GOSR1: variants seen among roughly 807,000 people sequenced by gnomAD.
GOSR1 encodes the protein golgi SNAP receptor complex member 1.
A neutral mutation model predicts 35.5 loss-of-function variants in GOSR1; 21 were observed. That is an observed-to-expected ratio of 0.59 (90% CI 0.42 to 0.85). The LOEUF is 0.85. Among genes scored for constraint, GOSR1 ranks in the 40% least tolerant of loss-of-function variants. GOSR1 has a pLI of 0.00. For missense variants in GOSR1, 285 were observed against 309.6 expected (o/e 0.92, Z 0.60); for synonymous variants, 94 against 106.6 (o/e 0.88, Z 0.73).
At chr17:30,518,783 G>GA (rs923109902) in intron 7 of GOSR1, among the ~76,000 whole-genome samples, 23 of 149,586 alleles carry the variant, frequency 1.5e-4, no homozygotes, top group African/African-American at 2.2e-4. Flanking sequence ...TTAAAAATTA[G>GA]AAAAAAAAAA....
At chr17:30,503,958 C>A (rs1967307050) in intron 6 of GOSR1, among the ~76,000 whole-genome samples, 1 of 152,070 alleles carries the variant, frequency 6.6e-6, no homozygotes. Flanking sequence ...GGAAGAAAAA[C>A]CCCTTCTTCT....
intron 6 of GOSR1, among the ~76,000 whole-genome samples, chr17:30,499,408 C>G (rs1306795229): frequency 1.4e-5 from 2 of 142,404 alleles, no homozygotes; most frequent in Non-Finnish European, 3.0e-5. Flanking sequence ...GTGGCGCAAT[C>G]TTGGCTCACT....
intron 8 of GOSR1, among the ~76,000 whole-genome samples, chr17:30,521,416 C>G (rs1036077319): frequency 6.6e-6 from 1 of 151,808 alleles, no homozygotes; most frequent in Non-Finnish European, 1.5e-5. Context: ...CTCCTAGGCT[C>G]AAGCAGTCCT....
intron 6 of GOSR1, among the ~76,000 whole-genome samples, chr17:30,497,442 T>A (rs750084092): frequency 1.2e-4 from 18 of 152,162 alleles, no homozygotes; most frequent in Non-Finnish European, 2.1e-4. Context: ...GACTCTATCT[T>A]TTTGGGGTAA....
At chr17:30,507,543 T>C (rs569381178) in intron 6 of GOSR1, among the ~76,000 whole-genome samples, 2 of 152,174 alleles carry the variant, frequency 1.3e-5, no homozygotes, top group South Asian at 2.1e-4. Context: ...GCCAACATAG[T>C]GAAACCCCAA....
chr17:30,519,143 C>CT (rs1210396337), intron 7 of GOSR1, among the ~76,000 whole-genome samples: 1 of 152,034 alleles, frequency 6.6e-6, no homozygotes, highest in Non-Finnish European at 1.5e-5. Flanking sequence ...TCGCTGTAGC[C>CT]CCCCCCTCCT....
intron 7 of GOSR1, among the ~76,000 whole-genome samples, chr17:30,515,866 A>G (rs1967788736): frequency 6.6e-6 from 1 of 152,206 alleles, no homozygotes; most frequent in Non-Finnish European, 1.5e-5. Context: ...AATAGGCCTA[A>G]AAGTATTGGG....
At chr17:30,498,776 G>A (rs909880453) in intron 6 of GOSR1, among the ~76,000 whole-genome samples, 2 of 152,176 alleles carry the variant, frequency 1.3e-5, no homozygotes, top group Admixed American at 1.3e-4. Flanking sequence ...CTGGGCAAAA[G>A]AAAGTGAGCA....
intron 5 of GOSR1, among the ~76,000 whole-genome samples, chr17:30,491,750 T>A (rs1915057754): frequency 1.3e-5 from 2 of 152,224 alleles, no homozygotes; most frequent in African/African-American, 4.8e-5. Context: ...TTACACAGTA[T>A]TTTTTAATGT....
intron 7 of GOSR1, among the ~76,000 whole-genome samples, chr17:30,514,833 C>G (rs1014996869): frequency 6.6e-6 from 1 of 152,150 alleles, no homozygotes; most frequent in Non-Finnish European, 1.5e-5. Flanking sequence ...CTGAATTTCT[C>G]CTTCCAATTC....
Position 30,524,127 on chromosome 17 carries a change from A to T in GOSR1, c.*1749A>T, listed in dbSNP as rs1000880475. ...CTAGGAAAACCAGAGACCTTTGTTC[A>T]CTTGTTGATCTGCTGACCTTCCCTC... On this transcript the variant is annotated 3_prime_UTR_variant, in exon 9 of 9. Coordinates refer to ENST00000451249, the MANE Select transcript of GOSR1 (RefSeq NM_001007025.2). 2 of 172,404 alleles carry T rather than the reference A, an allele frequency of 1.2e-5. No homozygotes were observed. The highest frequency in any genetic ancestry group is 4.8e-5 in the African/African-American group (2 of 41,488). 10.7% of individuals were successfully genotyped at this position (172,404 alleles called of 1,614,324 possible). A position where few individuals can be genotyped will look rare whatever the true frequency, so the allele number is the denominator to read the frequency against.
intron 4 of GOSR1, among the ~76,000 whole-genome samples, chr17:30,489,338 G>A (rs753578674): frequency 6.6e-6 from 1 of 152,046 alleles, no homozygotes; most frequent in Admixed American, 6.6e-5. Context: ...AGCTGAGATG[G>A]CACCACTATA....
Position 30,481,161 on chromosome 17 carries a change from G to A in GOSR1, c.50G>A (p.Arg17Gln), listed in dbSNP as rs774507380. The A allele has an allele frequency of 4.4e-6, 7 of 1,599,102 alleles. No individual in the cohort carries two copies. Among genetic ancestry groups the A allele is most frequent in the East Asian group, 2.2e-5 (1 of 44,802 alleles). ...GTTAAAGATCTCAGGAAACAGGCTCGACAGCTGGAAAATGAACTTGACCTG... is the reference window on the plus strand; with the variant it reads ...GTTAAAGATCTCAGGAAACAGGCTCAACAGCTGGAAAATGAACTTGACCTG... ...SYWEDLRKQARQLENELDLKL... is the reference protein window; with the variant it reads ...SYWEDLRKQAQQLENELDLKL... Residue 17 changes from arginine to glutamine, a missense_variant, in exon 2 of 9, where the codon CGA (arginine) becomes CAA (glutamine). Arg to Gln is a conservative substitution (Grantham distance 43). Around this residue, in one of 3 missense-constraint regions of GOSR1, gnomAD observed 108 missense variants for 98.9 expected, o/e 1.09. Transcript: ENST00000451249.
Position 30,493,286 on chromosome 17 carries a change from C to G in GOSR1, c.509+533C>G, listed in dbSNP as rs150372259. Among the ~76,000 whole-genome samples the G allele has an allele frequency of 1.3e-4, 20 of 152,072 alleles. No individual in the cohort carries two copies. The East Asian group carries it at 3.9e-3, about 29-fold the overall frequency. ...TGGGATTACAGGCGTGAGCCACCAC[C>G]GCACCCGGCCAGTGCATGTGCTAAT... is the stretch of plus-strand genomic sequence containing the variant. On this transcript the variant is annotated intron_variant, in intron 6 of 8. Coordinates refer to ENST00000451249, the MANE Select transcript of GOSR1 (RefSeq NM_001007025.2).
At chr17:30,506,413 G>A (rs571642426) in intron 6 of GOSR1, among the ~76,000 whole-genome samples, 3 of 152,344 alleles carry the variant, frequency 2.0e-5, no homozygotes, top group African/African-American at 7.2e-5. Flanking sequence ...CTGGTTAGAA[G>A]ATCAAACCAC....
At position 30,522,523 on chromosome 17, in the gene GOSR1, C is replaced by A. The variant is rs910181255; in HGVS notation, c.*145C>A. On this transcript the variant is annotated 3_prime_UTR_variant, in exon 9 of 9. Transcript: ENST00000451249. ...AGACTGACAGTGATGGACTCTGTGA[C>A]ATGGTCAGGTTGAGCTGAAGCCACA... 2 of 531,666 alleles carry A rather than the reference C, an allele frequency of 3.8e-6. No homozygotes were observed. Among genetic ancestry groups the A allele is most frequent in the Non-Finnish European group, 6.3e-6 (2 of 315,178 alleles). 32.9% of individuals were successfully genotyped at this position (531,666 alleles called of 1,614,324 possible). A position where few individuals can be genotyped will look rare whatever the true frequency, so the allele number is the denominator to read the frequency against.
chr17:30,495,412 T>A (rs1319985574), intron 6 of GOSR1: 2 of 455,808 alleles, frequency 4.4e-6, no homozygotes, highest in Admixed American at 4.7e-5. Flanking sequence ...CTTAATGAAG[T>A]TGACAACTTT....
rs559783339 is a variant in GOSR1 at position 30,504,383 on chromosome 17, C to G, written c.510-6497C>G. 3.9e-5 allele frequency among the ~76,000 whole-genome samples: 6 copies of G among 152,134 alleles called. No homozygotes were observed. The East Asian group carries it at 9.7e-4, about 24-fold the overall frequency. On this transcript the variant is annotated intron_variant, in intron 6 of 8. Coordinates refer to ENST00000451249, the MANE Select transcript of GOSR1 (RefSeq NM_001007025.2). ...ACACTCTTTTCTTTGACTTGTAGTTCCAGTATTGCTGTAAAATTACTGTAA... is the reference window on the plus strand; with the variant it reads ...ACACTCTTTTCTTTGACTTGTAGTTGCAGTATTGCTGTAAAATTACTGTAA...
intron 6 of GOSR1, among the ~76,000 whole-genome samples, chr17:30,494,488 CTCTT>C (rs1966918548): frequency 6.6e-6 from 1 of 152,052 alleles, no homozygotes; most frequent in Admixed American, 6.5e-5. Flanking sequence ...TAGATAATTT[CTCTT>C]TCTTTATGTA....
Sources: gnomAD v4.1 joint callset for allele counts (sites outside exome capture counted in the v4.1 genomes callset) on GRCh38, gnomAD v4.1.1 for gene constraint, gnomAD v4.1.1 regional missense constraint, MANE v1.5 for transcripts, NCBI Gene and HGNC (gene_info 2026-07-23, HGNC 2026-07-21) for gene names.